The following MGMT variants were observed in gnomAD, a reference collection of about 807,000 sequenced individuals.
MGMT encodes the protein methylated-DNA--protein-cysteine methyltransferase.
Under a neutral mutation model 15.9 loss-of-function variants are expected in MGMT, and 14 were observed. The observed-to-expected ratio is 0.88, with a 90% CI of 0.58 to 1.37. The LOEUF (loss-of-function observed/expected upper bound fraction) is 1.37. Among genes scored for constraint, MGMT ranks in the 40% most tolerant of loss-of-function variants. The probability of loss-of-function intolerance (pLI) is 0.00; values close to 1 mark genes in which losing one functional copy is unlikely to be tolerated. For synonymous variants in MGMT, 130 were observed against 118.2 expected, an observed-to-expected ratio of 1.10 and a Z score of -0.65; for missense variants, 282 against 268.1, an observed-to-expected ratio of 1.05 and a Z score of -0.36.
At chr10:129,667,761 C>T (rs574950824) in intron 2 of MGMT, among the ~76,000 whole-genome samples, 102 of 152,262 alleles carry the variant, frequency 6.7e-4, no homozygotes, top group Non-Finnish European at 1.2e-3. Flanking sequence ...CTCGGGTGCC[C>T]GTTTGGTATT....
chr10:129,725,042 G>C (rs1823533791), intron 3 of MGMT, among the ~76,000 whole-genome samples: 1 of 152,254 alleles, frequency 6.6e-6, no homozygotes, highest in Admixed American at 6.5e-5. Flanking sequence ...GCAGGATCGG[G>C]TGGATACACT....
chr10:129,690,186 C>T (rs999634606), intron 2 of MGMT, among the ~76,000 whole-genome samples: 2 of 152,204 alleles, frequency 1.3e-5, no homozygotes, highest in Non-Finnish European at 2.9e-5. Flanking sequence ...CACATATTTA[C>T]TTCCATGTGT....
chr10:129,756,729 A>G (rs1156947349), intron 3 of MGMT, among the ~76,000 whole-genome samples: 1 of 152,114 alleles, frequency 6.6e-6, no homozygotes, highest in Non-Finnish European at 1.5e-5. Context: ...CGGCCTCCCA[A>G]AGTGCTGGGA....
intron 2 of MGMT, among the ~76,000 whole-genome samples, chr10:129,685,589 C>T (rs916720530): frequency 1.3e-5 from 2 of 152,230 alleles, no homozygotes; most frequent in Middle Eastern, 3.2e-3. Context: ...CTTGTGTTCT[C>T]TGTAGCTAAA....
chr10:129,610,838 C>T (rs1453054185), intron 2 of MGMT, among the ~76,000 whole-genome samples: 1 of 152,222 alleles, frequency 6.6e-6, no homozygotes, highest in East Asian at 1.9e-4. Context: ...GGAATGCACC[C>T]TCCCTTAAGA....
chr10:129,520,818 C>T (rs754579813), intron 1 of MGMT, among the ~76,000 whole-genome samples: 4 of 148,926 alleles, frequency 2.7e-5, no homozygotes, highest in Non-Finnish European at 5.9e-5. Context: ...CCCTACGGTG[C>T]GGGTACAGAA....
chr10:129,719,524 A>G (rs1413601235), intron 3 of MGMT, among the ~76,000 whole-genome samples: 7 of 152,118 alleles, frequency 4.6e-5, no homozygotes, highest in African/African-American at 1.7e-4. Context: ...TACTCAGACC[A>G]AGGTGCTGAG....
At chr10:129,469,666 T>C (rs776955734) in intron 1 of MGMT, among the ~76,000 whole-genome samples, 1 of 152,200 alleles carries the variant, frequency 6.6e-6, no homozygotes, top group Non-Finnish European at 1.5e-5. Flanking sequence ...TAGTTTTTAA[T>C]GCAGCTACTT....
chr10:129,678,926 C>T (rs1207040419), intron 2 of MGMT, among the ~76,000 whole-genome samples: 4 of 151,864 alleles, frequency 2.6e-5, no homozygotes, highest in South Asian at 2.1e-4. Context: ...TACAAAAACT[C>T]GCCGAGCGTG....
chr10:129,534,396 C>T (rs942084013), intron 1 of MGMT, among the ~76,000 whole-genome samples: 4 of 151,986 alleles, frequency 2.6e-5, no homozygotes, highest in African/African-American at 9.7e-5. Flanking sequence ...CTGGGGTGAT[C>T]GAATGGGATC....
At chr10:129,689,553 A>G (rs1361586854) in intron 2 of MGMT, among the ~76,000 whole-genome samples, 1 of 152,262 alleles carries the variant, frequency 6.6e-6, no homozygotes, top group Non-Finnish European at 1.5e-5. Flanking sequence ...AATGTTTGTC[A>G]AGAAGACAGT....
chr10:129,526,555 T>C (rs1357432946), intron 1 of MGMT, among the ~76,000 whole-genome samples: 1 of 152,204 alleles, frequency 6.6e-6, no homozygotes, highest in African/African-American at 2.4e-5. Flanking sequence ...AGGTGTGGTC[T>C]CACTGTGCTG....
At chr10:129,536,511 G>A (rs566501556) in intron 2 of MGMT, 134 bp downstream of exon 2, 13 of 1,162,060 alleles carry the variant, frequency 1.1e-5, no homozygotes, top group African/African-American at 3.1e-5. Context: ...CCACGAGTCC[G>A]TCTCTCAAAA....
chr10:129,494,318 G>A (rs1026253138), intron 1 of MGMT, among the ~76,000 whole-genome samples: 1 of 152,096 alleles, frequency 6.6e-6, no homozygotes, highest in African/African-American at 2.4e-5. Context: ...GGTGTGTGCT[G>A]GACCCTGACC....
chr10:129,763,840 C>T (rs767991279), intron 4 of MGMT, among the ~76,000 whole-genome samples: 55 of 152,186 alleles, frequency 3.6e-4, no homozygotes, highest in Non-Finnish European at 7.8e-4. Context: ...CTGGGATTCT[C>T]AGCTGTTCCA....
intron 3 of MGMT, among the ~76,000 whole-genome samples, chr10:129,744,388 A>G (rs1371145417): frequency 1.3e-5 from 2 of 152,232 alleles, no homozygotes. Context: ...TCCCATGGAA[A>G]GTGTGTGACA....
At chr10:129,495,107 G>A (rs764853543) in intron 1 of MGMT, among the ~76,000 whole-genome samples, 29 of 152,200 alleles carry the variant, frequency 1.9e-4, no homozygotes, top group Non-Finnish European at 2.9e-4. Flanking sequence ...GCAATGTTCC[G>A]TTAAACCAGA....
chr10:129,575,652 A>G (rs1846472660), intron 2 of MGMT, among the ~76,000 whole-genome samples: 1 of 148,580 alleles, frequency 6.7e-6, no homozygotes, highest in Non-Finnish European at 1.5e-5. Flanking sequence ...AACACATTCA[A>G]AAGCTAGCAG....
Position 129,738,351 on chromosome 10 carries a change from G to A in MGMT, c.275-20851G>A, listed in dbSNP as rs191549736. Among the ~76,000 whole-genome samples, 17 of 152,350 alleles carry A rather than the reference G, an allele frequency of 1.1e-4. No individual in the cohort carries two copies. In the East Asian group the frequency reaches 3.3e-3, roughly 29 times the overall value. Reference sequence around the variant, plus strand: ...GTCTGTCACCAATTTCTTTGACTAGGAAAGGGAACTCCCTGACCCCTTGCG... The same window carrying A: ...GTCTGTCACCAATTTCTTTGACTAGAAAAGGGAACTCCCTGACCCCTTGCG... On this transcript the variant is annotated intron_variant, in intron 3 of 4. Transcript: ENST00000651593.
Sources: gnomAD v4.1 joint callset for allele counts (sites outside exome capture counted in the v4.1 genomes callset) on GRCh38, gnomAD v4.1.1 for gene constraint, MANE v1.5 for transcripts, NCBI Gene and HGNC (gene_info 2026-07-23, HGNC 2026-07-21) for gene names.